ASPHD2: variants seen among roughly 807,000 people sequenced by gnomAD.
ASPHD2 encodes aspartate beta-hydroxylase domain containing 2.
Under a neutral mutation model 34.6 loss-of-function variants are expected in ASPHD2, and 12 were observed. The observed-to-expected ratio is 0.35, with a 90% confidence interval of 0.22 to 0.56. The LOEUF (loss-of-function observed/expected upper bound fraction) is 0.56, where lower values mean the gene tolerates loss of function less well. ASPHD2 is among the 20% of genes least tolerant of loss of function. ASPHD2 has a pLI of 0.87. For missense variants in ASPHD2, 375 were observed against 505.0 expected (o/e 0.74, Z 2.47); for synonymous variants, 224 against 212.2 (o/e 1.06, Z -0.48).
At chr22:26,441,537 C>A (rs534521769) in intron 2 of ASPHD2, among the ~76,000 whole-genome samples, 1 of 148,094 alleles carries the variant, frequency 6.8e-6, no homozygotes, top group African/African-American at 2.5e-5. Flanking sequence ...TGCCTGTAAT[C>A]CCAGCACTTT....
Position 26,433,352 on chromosome 22 carries a change from C to A in ASPHD2, c.-224-40C>A. 1.9e-6 allele frequency: 1 copy of A among 517,520 alleles called. No homozygotes were observed. Among genetic ancestry groups the A allele is most frequent in the Non-Finnish European group, 3.4e-6 (1 of 294,172 alleles). 32.1% of individuals were successfully genotyped at this position (517,520 alleles called of 1,614,324 possible). On this transcript the variant is annotated intron_variant, in intron 1 of 3. Coordinates refer to ENST00000215906, the MANE Select transcript of ASPHD2 (RefSeq NM_020437.5). The surrounding 1 kb of genome is among the most constrained non-coding windows in gnomAD (Gnocchi z 5.1). ...TTTACATTTCAGTTGAGGACTTTTC[C>A]AGGTGTAAAATTTATGCTGATTTTT... is the stretch of plus-strand genomic sequence containing the variant.
intron 2 of ASPHD2, 75 bp from the exon 3 acceptor site, chr22:26,442,384 C>A: frequency 8.8e-7 from 1 of 1,136,868 alleles, no homozygotes; most frequent in Non-Finnish European, 1.3e-6. Flanking sequence ...CTCAGTAAGG[C>A]AAATCACCCC....
rs772006718 is a variant in ASPHD2 at position 26,433,661 on chromosome 22, T to C, written c.46T>C (p.Leu16=). The C allele has an allele frequency of 6.2e-7, 1 of 1,613,962 alleles. No individual in the cohort carries two copies. The highest frequency in any genetic ancestry group is 2.2e-5 in the East Asian group (1 of 44,880). The change falls in exon 2 of 4, where the codon TTG becomes CTG. Residue 16 remains leucine (L), a synonymous_variant. Coordinates refer to ENST00000215906, the MANE Select transcript of ASPHD2 (RefSeq NM_020437.5). The surrounding 1 kb of genome is among the most constrained non-coding windows in gnomAD (Gnocchi z 5.1). ...ACCCCCGAGGACTGATTGTCTGACC[T>C]TGCTTCACACGCCCAGTAAGGACTC... ...LGPPRTDCLT[L]LHTPSKDSPK...
At chr22:26,442,236 G>T (rs2084852441) in intron 2 of ASPHD2, among the ~76,000 whole-genome samples, 1 of 151,876 alleles carries the variant, frequency 6.6e-6, no homozygotes, top group Non-Finnish European at 1.5e-5. Flanking sequence ...CTTTCCAAAG[G>T]CCCCACCTCC....
chr22:26,434,610 G>T, intron 2 of ASPHD2, 109 bp downstream of exon 2: 1 of 1,290,414 alleles, frequency 7.7e-7, no homozygotes, highest in Non-Finnish European at 1.1e-6. Context: ...TTTTCGCATT[G>T]TTCACTTTTA....
At chr22:26,439,740 G>T (rs2084824185) in intron 2 of ASPHD2, among the ~76,000 whole-genome samples, 1 of 152,176 alleles carries the variant, frequency 6.6e-6, no homozygotes, top group Non-Finnish European at 1.5e-5. Flanking sequence ...CCTCTTTACA[G>T]GTGAGGGTAT....
chr22:26,442,035 G>A (rs910474472), intron 2 of ASPHD2, among the ~76,000 whole-genome samples: 5 of 149,594 alleles, frequency 3.3e-5, no homozygotes. Context: ...GAACCTGGGA[G>A]GTGGAGGTTG....
At chr22:26,436,357 A>C (rs2084792354) in intron 2 of ASPHD2, among the ~76,000 whole-genome samples, 1 of 152,244 alleles carries the variant, frequency 6.6e-6, no homozygotes, top group South Asian at 2.1e-4. Context: ...TGGGATGATA[A>C]TCCAGGTGAT....
At position 26,433,947 on chromosome 22, in the gene ASPHD2, C is replaced by T. The variant is rs763714842; in HGVS notation, c.332C>T (p.Pro111Leu). 1 of 1,613,616 alleles carries T rather than the reference C, an allele frequency of 6.2e-7. No homozygotes were observed. The highest frequency in any genetic ancestry group is 1.1e-5 in the South Asian group (1 of 91,090). ...AATGGCTACGTGTACTGCCAGTCCCCTGAGTGCGTGCGCTGCACCCACAAC... is the reference window on the plus strand; with the variant it reads ...AATGGCTACGTGTACTGCCAGTCCCTTGAGTGCGTGCGCTGCACCCACAAC... Reference protein sequence around the residue: ...LQNGYVYCQSPECVRCTHNEG... With the variant: ...LQNGYVYCQSLECVRCTHNEG... Residue 111 changes from proline (P) to leucine (L), a missense_variant, in exon 2 of 4, where the codon CCT (proline) becomes CTT (leucine). Pro to Leu is a moderately conservative substitution (Grantham distance 98, BLOSUM62 -3). This residue lies in a region of ASPHD2 where 223 missense variants were observed against 257.8 expected (regional missense o/e 0.87). Coordinates refer to ENST00000215906, the MANE Select transcript of ASPHD2 (RefSeq NM_020437.5). The surrounding 1 kb of genome is among the most constrained non-coding windows in gnomAD (Gnocchi z 5.1).
intron 2 of ASPHD2, among the ~76,000 whole-genome samples, chr22:26,436,499 C>T (rs1392828739): frequency 1.3e-5 from 2 of 152,066 alleles, no homozygotes; most frequent in Admixed American, 6.5e-5. Flanking sequence ...AGCGAGGGAG[C>T]GGAATCATCC....
intron 1 of ASPHD2, among the ~76,000 whole-genome samples, chr22:26,432,655 T>A (rs2084764668): frequency 6.6e-6 from 1 of 152,236 alleles, no homozygotes; most frequent in African/African-American, 2.4e-5. Flanking sequence ...TGTGGGAAAC[T>A]GAGGCAGAGG....
Position 26,433,040 on chromosome 22 carries a change from G to T in ASPHD2, c.-224-352G>T, listed in dbSNP as rs1247014748. Among the ~76,000 whole-genome samples the T allele has an allele frequency of 6.6e-6, 1 of 152,186 alleles. No homozygotes were observed. Among genetic ancestry groups the T allele is most frequent in the Non-Finnish European group, 1.5e-5 (1 of 68,032 alleles). On this transcript the variant is annotated intron_variant, in intron 1 of 3. Transcript: ENST00000215906. This position sits in a 1 kb window ranked among gnomAD's most constrained non-coding sequence, Gnocchi z 5.1. ...ATAGCACAGCAAAATGGGTAGACAT[G>T]GGCCTTGAAGTCAGATGGGGTTTGA...
intron 2 of ASPHD2, among the ~76,000 whole-genome samples, chr22:26,441,441 G>A (rs1026655620): frequency 2.5e-4 from 34 of 136,592 alleles, no homozygotes; most frequent in African/African-American, 9.0e-4. Context: ...TGGAGCCACT[G>A]CATTTCAGCC....
At chr22:26,442,437 C>T in intron 2 of ASPHD2, 22 bp from the exon 3 acceptor site, 1 of 1,540,010 alleles carries the variant, frequency 6.5e-7, no homozygotes, top group East Asian at 2.3e-5. Flanking sequence ...CTTCACTCTC[C>T]TTTCTCTGGT....
Position 26,443,279 on chromosome 22 carries a change from C to T in ASPHD2, c.*73C>T. The T allele has an allele frequency of 7.9e-7, 1 of 1,273,394 alleles. No homozygotes were observed. The highest frequency in any genetic ancestry group is 1.1e-6 in the Non-Finnish European group (1 of 877,680). The allele number at this position is 1,273,394 out of a possible 1,614,324, so 78.9% of individuals were successfully genotyped here. A position where few individuals can be genotyped will look rare whatever the true frequency, so the allele number is the denominator to read the frequency against. On this transcript the variant is annotated 3_prime_UTR_variant, in exon 4 of 4. Transcript: ENST00000215906. The stretch of plus-strand genomic sequence containing the variant: ...GGGCAGACTGTGGTCCGGTCCAGTC[C>T]CTACCGGTGTTGTTTCCATGCTCAG...
chr22:26,434,065 C>T lies in ASPHD2; in HGVS notation c.450C>T (p.Arg150=), dbSNP rs781740754. The change falls in exon 2 of 4, where the codon CGC becomes CGT. Residue 150 remains arginine, a synonymous_variant. Transcript: ENST00000215906. The stretch of plus-strand genomic sequence containing the variant: ...TGGGCCGCATCCACAAGGGCATCCG[C>T]GAGCAGGGCCGGTACCTCAACAGCC... ...SGMGRIHKGI[R]EQGRYLNSRP... is the part of the protein sequence containing the mutation. 2.5e-6 allele frequency: 4 copies of T among 1,613,282 alleles called. No individual in the cohort carries two copies. The highest frequency in any genetic ancestry group is 2.7e-5 in the African/African-American group (2 of 74,944).
At chr22:26,438,588 T>TATATAC (rs1568984050) in intron 2 of ASPHD2, among the ~76,000 whole-genome samples, 20 of 138,726 alleles carry the variant, frequency 1.4e-4, no homozygotes, top group Non-Finnish European at 2.1e-4. Flanking sequence ...TATACATACA[T>TATATAC]ATATATACAC....
intron 2 of ASPHD2, among the ~76,000 whole-genome samples, chr22:26,438,089 C>A (rs1479145830): frequency 6.6e-6 from 1 of 152,108 alleles, no homozygotes; most frequent in Non-Finnish European, 1.5e-5. Flanking sequence ...CACCGTGGCA[C>A]GTGGCGATGA....
chr22:26,433,426 C>T lies in ASPHD2; in HGVS notation c.-190C>T, dbSNP rs1271640735. On this transcript the variant is annotated 5_prime_UTR_variant, in exon 2 of 4. Coordinates refer to ENST00000215906, the MANE Select transcript of ASPHD2 (RefSeq NM_020437.5). This position sits in a 1 kb window ranked among gnomAD's most constrained non-coding sequence, Gnocchi z 5.1. ...TCCTAAACAAATCCTTTCACAGGGACCGACGGCACTTGATAATGTGACAAA... is the reference window on the plus strand; with the variant it reads ...TCCTAAACAAATCCTTTCACAGGGATCGACGGCACTTGATAATGTGACAAA... The T allele has an allele frequency of 5.3e-6, 3 of 569,498 alleles. No individual in the cohort carries two copies. The African/African-American group carries it at 5.7e-5, about 11-fold the overall frequency. 35.3% of individuals were successfully genotyped at this position (569,498 alleles called of 1,614,324 possible).
Sources: allele counts gnomAD v4.1 joint callset (sites outside exome capture counted in the v4.1 genomes callset), GRCh38; gene constraint gnomAD v4.1.1; regional missense constraint gnomAD v4.1.1; non-coding constraint Gnocchi (gnomAD v3.1); transcripts MANE v1.5; gene names NCBI Gene and HGNC (gene_info 2026-07-23, HGNC 2026-07-21).